The following NAV2 variants were observed in gnomAD, a reference collection of about 807,000 sequenced individuals.
NAV2 encodes the protein neuron navigator 2.
A neutral mutation model predicts 223.2 loss-of-function variants in NAV2; 54 were observed. That is an observed-to-expected ratio of 0.24 (90% CI 0.19 to 0.30). NAV2 has a LOEUF of 0.30. NAV2 is among the 10% of genes least tolerant of loss of function. The pLI, the probability that NAV2 is intolerant of heterozygous loss-of-function variation, is 1.00. For synonymous variants in NAV2, 1,279 were observed against 1,239.3 expected (o/e 1.03, Z -0.67); for missense variants, 2,806 against 3,147.5 (o/e 0.89, Z 2.60).
chr11:20,062,299 T>C lies in NAV2; in HGVS notation c.4832-8T>C, dbSNP rs201309686. On this transcript the variant is annotated splice_polypyrimidine_tract_variant and splice_region_variant and intron_variant, in intron 19 of 37. Coordinates refer to ENST00000349880, the MANE Select transcript of NAV2 (RefSeq NM_145117.5). ...CTATCAATTCACCTTTTTTTTTTCT[T>C]TTAATAGTTCATGGATCCTCACTCT... 6.2e-7 allele frequency: 1 copy of C among 1,606,384 alleles called. No homozygotes were observed. The highest frequency in any genetic ancestry group is 1.7e-5 in the Admixed American group (1 of 59,678).
At chr11:19,423,393 G>C (rs1850697303) in intron 1 of NAV2, among the ~76,000 whole-genome samples, 1 of 152,218 alleles carries the variant, frequency 6.6e-6, no homozygotes, top group African/African-American at 2.4e-5. Context: ...CATGTGTGAG[G>C]TGCTGGGAGT....
intron 1 of NAV2, among the ~76,000 whole-genome samples, chr11:19,814,526 A>G (rs988927384): frequency 2.0e-5 from 3 of 152,172 alleles, no homozygotes; most frequent in Admixed American, 1.3e-4. Context: ...TTATTCCTTT[A>G]TGCCTCCTTA....
chr11:19,404,582 CT>C (rs1168027401), intron 1 of NAV2, among the ~76,000 whole-genome samples: 2 of 151,016 alleles, frequency 1.3e-5, no homozygotes, highest in African/African-American at 4.9e-5. Flanking sequence ...AATAGTGAGT[CT>C]TTTTTTTTGA....
At chr11:20,109,514 C>T (rs1284698506) in intron 36 of NAV2, among the ~76,000 whole-genome samples, 1 of 152,230 alleles carries the variant, frequency 6.6e-6, no homozygotes, top group Non-Finnish European at 1.5e-5. Flanking sequence ...AACAACCACT[C>T]AGTCATTCCT....
intron 1 of NAV2, among the ~76,000 whole-genome samples, chr11:19,747,951 A>T (rs2053515309): frequency 6.6e-6 from 1 of 152,176 alleles, no homozygotes; most frequent in South Asian, 2.1e-4. Context: ...GGAGCCTGCT[A>T]ACCAAGTAGG....
At chr11:19,716,923 T>G (rs770480137) in intron 1 of NAV2, among the ~76,000 whole-genome samples, 11 of 152,236 alleles carry the variant, frequency 7.2e-5, no homozygotes, top group Non-Finnish European at 1.6e-4. Flanking sequence ...TTTACACATA[T>G]GAAAACTGAG....
rs773808689 is a variant in NAV2 at position 20,068,339 on chromosome 11, C to G, written c.4924C>G (p.Arg1642Gly). 6.2e-7 allele frequency: 1 copy of G among 1,614,122 alleles called. No individual in the cohort carries two copies. Among genetic ancestry groups the G allele is most frequent in the South Asian group, 1.1e-5 (1 of 91,082 alleles). The change falls in exon 22 of 38, where the codon CGG becomes GGG. Residue 1642 changes from arginine to glycine, a missense_variant. Around this residue, in one of 4 missense-constraint regions of NAV2, gnomAD observed 824 missense variants for 1,069.4 expected, o/e 0.77. Coordinates refer to ENST00000349880, the MANE Select transcript of NAV2 (RefSeq NM_145117.5). ...TCATCTTTAGATTCGCAAGCTGCGG[C>G]GGGAACTGGATGCCTCCCAGGAGAA... Reference protein sequence around the residue: ...KCQSEIRKLRRELDASQEKVS... With the variant: ...KCQSEIRKLRGELDASQEKVS...
At chr11:19,556,107 A>T (rs2044880929) in intron 1 of NAV2, among the ~76,000 whole-genome samples, 1 of 152,162 alleles carries the variant, frequency 6.6e-6, no homozygotes, top group African/African-American at 2.4e-5. Flanking sequence ...GAAGGGTGTC[A>T]GCGACTTGAA....
chr11:19,777,105 A>G lies in NAV2; in HGVS notation c.268-55379A>G, dbSNP rs902834262. Among the ~76,000 whole-genome samples the G allele has an allele frequency of 7.0e-5, 6 of 85,116 alleles. 1 individual carries two copies. The South Asian group carries it at 2.2e-3, about 31-fold the overall frequency. 55.8% of individuals were successfully genotyped at this position (85,116 alleles called of 152,430 possible). On this transcript the variant is annotated intron_variant, in intron 1 of 37. Transcript: ENST00000349880. The stretch of plus-strand genomic sequence containing the variant: ...TCACCAGCCGCCGACCCCCCCCCCC[A>G]CCCCGCCCTCGGCCGCCGCGGCCCC...
intron 3 of NAV2, among the ~76,000 whole-genome samples, chr11:19,863,347 CT>C (rs1167320702): frequency 6.6e-6 from 1 of 152,248 alleles, no homozygotes; most frequent in African/African-American, 2.4e-5. Flanking sequence ...GCCATTATGA[CT>C]TTTTTTGGGT....
Position 20,054,172 on chromosome 11 carries a change from A to G in NAV2, c.4574A>G (p.Asn1525Ser), listed in dbSNP as rs1377009181. The change falls in exon 18 of 38, where the codon AAT becomes AGT. Residue 1525 changes from asparagine to serine, a missense_variant. By Grantham distance (46) the Asn-to-Ser change is conservative. Around this residue, in one of 4 missense-constraint regions of NAV2, gnomAD observed 742 missense variants for 777.9 expected, o/e 0.95. Transcript: ENST00000349880. ...GGAGGCCTTCAGGACACCGCTGCCA[A>G]TTCCCCCTTTTCCTCTGGCTCCAGC... ...SAGGLQDTAA[N>S]SPFSSGSSVT... The G allele has an allele frequency of 2.5e-6, 4 of 1,613,536 alleles. No homozygotes were observed. In the African/African-American group the frequency reaches 4.0e-5, roughly 16 times the overall value.
At chr11:19,380,009 A>G (rs1473629892) in intron 1 of NAV2, among the ~76,000 whole-genome samples, 1 of 151,988 alleles carries the variant, frequency 6.6e-6, no homozygotes, top group Non-Finnish European at 1.5e-5. Flanking sequence ...ATAATTTATT[A>G]TAGTTGCAAA....
chr11:20,108,674 A>G (rs1449451051), intron 36 of NAV2, among the ~76,000 whole-genome samples: 1 of 149,742 alleles, frequency 6.7e-6, no homozygotes, highest in Non-Finnish European at 1.5e-5. Flanking sequence ...CTGGTCTTGA[A>G]CTTCTGGCCT....
intron 11 of NAV2, among the ~76,000 whole-genome samples, chr11:20,002,032 T>C (rs1276275673): frequency 2.0e-5 from 3 of 152,164 alleles, no homozygotes; most frequent in Non-Finnish European, 4.4e-5. Context: ...GCCGGCATGG[T>C]CGAGTTCTGA....
intron 1 of NAV2, among the ~76,000 whole-genome samples, chr11:19,694,667 G>A (rs1425236242): frequency 1.3e-5 from 2 of 152,146 alleles, no homozygotes; most frequent in Admixed American, 1.3e-4. Flanking sequence ...TAGTCACTGG[G>A]GTCAGCTGGT....
intron 1 of NAV2, among the ~76,000 whole-genome samples, chr11:19,481,345 G>C (rs144782500): frequency 2.0e-4 from 30 of 152,268 alleles, no homozygotes; most frequent in African/African-American, 6.5e-4. Flanking sequence ...TCTTGGAAGA[G>C]CTTTCAGTCA....
chr11:19,799,596 A>G (rs1490165738), intron 1 of NAV2, among the ~76,000 whole-genome samples: 1 of 151,996 alleles, frequency 6.6e-6, no homozygotes, highest in Non-Finnish European at 1.5e-5. Flanking sequence ...GGCGGGGTGA[A>G]GAACTGCTGG....
At chr11:19,755,781 AG>A (rs1565261098) in intron 1 of NAV2, among the ~76,000 whole-genome samples, 1 of 152,200 alleles carries the variant, frequency 6.6e-6, no homozygotes, top group Non-Finnish European at 1.5e-5. Flanking sequence ...TATTCTCAGT[AG>A]GGAAGGCACC....
intron 10 of NAV2, among the ~76,000 whole-genome samples, chr11:19,974,806 A>G (rs952858833): frequency 3.3e-5 from 5 of 152,224 alleles, no homozygotes; most frequent in African/African-American, 1.2e-4. Flanking sequence ...GTTGGGGGGA[A>G]GAGGGGATAT....
Sources: gnomAD v4.1 joint callset for allele counts (sites outside exome capture counted in the v4.1 genomes callset) on GRCh38, gnomAD v4.1.1 for gene constraint, gnomAD v4.1.1 regional missense constraint, MANE v1.5 for transcripts, NCBI Gene and HGNC (gene_info 2026-07-23, HGNC 2026-07-21) for gene names.